The following ARL15 variants were observed in gnomAD, a reference collection of about 807,000 sequenced individuals.
The protein encoded by ARL15 is ARF like GTPase 15.
Under a neutral mutation model 25.2 loss-of-function variants are expected in ARL15, and 19 were observed. That is an observed-to-expected ratio of 0.75 (90% CI 0.53 to 1.10). ARL15 has a LOEUF of 1.10. Ranked by LOEUF, ARL15 falls within the 50% of genes least tolerant of loss-of-function variation. ARL15 has a pLI of 0.00. For synonymous variants in ARL15, 94 were observed against 86.8 expected (o/e 1.08, Z -0.46); for missense variants, 220 against 246.0 (o/e 0.89, Z 0.71).
At chr5:54,224,137 A>G (rs1756453338) in intron 1 of ARL15, among the ~76,000 whole-genome samples, 1 of 152,146 alleles carries the variant, frequency 6.6e-6, no homozygotes, top group Non-Finnish European at 1.5e-5. Context: ...AGTGAGGAGG[A>G]GCGAAGGCAA....
At chr5:53,988,512 T>A (rs951780956) in intron 4 of ARL15, among the ~76,000 whole-genome samples, 13 of 152,084 alleles carry the variant, frequency 8.5e-5, no homozygotes, top group African/African-American at 3.1e-4. Flanking sequence ...AGAATACACA[T>A]CATTAGGAAC....
At chr5:54,075,901 G>A (rs1288333129) in intron 4 of ARL15, among the ~76,000 whole-genome samples, 2 of 152,110 alleles carry the variant, frequency 1.3e-5, no homozygotes, top group Non-Finnish European at 2.9e-5. Flanking sequence ...TAGGTAAGAG[G>A]ATAAGATCTA....
intron 1 of ARL15, among the ~76,000 whole-genome samples, chr5:54,294,206 G>C (rs544468714): frequency 6.6e-6 from 1 of 152,146 alleles, no homozygotes; most frequent in Non-Finnish European, 1.5e-5. Flanking sequence ...CTAACCCAGC[G>C]GCTGGCAAAT....
At position 54,062,741 on chromosome 5, in the gene ARL15, T is replaced by C. The variant is rs186131586; in HGVS notation, c.462+50461A>G. Among the ~76,000 whole-genome samples the C allele has an allele frequency of 1.1e-4, 17 of 152,102 alleles. 1 individual carries two copies. The East Asian group carries it at 1.7e-3, about 16-fold the overall frequency. On this transcript the variant is annotated intron_variant, in intron 4 of 4. Coordinates refer to ENST00000504924, the MANE Select transcript of ARL15 (RefSeq NM_019087.3). Reference sequence around the variant, plus strand: ...TGAAAATGGACTAATACATATACCATAAGAAAATCTGGCAAGAAAGCTAAA... The same window carrying C: ...TGAAAATGGACTAATACATATACCACAAGAAAATCTGGCAAGAAAGCTAAA...
intron 4 of ARL15, among the ~76,000 whole-genome samples, chr5:54,012,703 T>G (rs1259301403): frequency 6.6e-6 from 1 of 151,866 alleles, no homozygotes; most frequent in Non-Finnish European, 1.5e-5. Flanking sequence ...TTTGTATTTT[T>G]AGTAGAGATG....
intron 4 of ARL15, among the ~76,000 whole-genome samples, chr5:54,096,085 G>A (rs1055968759): frequency 5.9e-5 from 9 of 152,024 alleles, no homozygotes; most frequent in African/African-American, 2.2e-4. Flanking sequence ...AATGGATAAG[G>A]AGATAATACC....
At chr5:53,983,308 A>T (rs1748184591) in intron 4 of ARL15, among the ~76,000 whole-genome samples, 2 of 152,106 alleles carry the variant, frequency 1.3e-5, no homozygotes, top group African/African-American at 2.4e-5. Flanking sequence ...AATTTTCTTT[A>T]AAAAAATCAT....
At chr5:54,140,689 G>A (rs1014052781) in intron 3 of ARL15, among the ~76,000 whole-genome samples, 3 of 152,094 alleles carry the variant, frequency 2.0e-5, no homozygotes, top group African/African-American at 7.2e-5. Flanking sequence ...GAGGCAAAAT[G>A]CAAATGGAAA....
chr5:54,121,054 T>C (rs762858552), intron 3 of ARL15, among the ~76,000 whole-genome samples: 1 of 152,104 alleles, frequency 6.6e-6, no homozygotes, highest in Non-Finnish European at 1.5e-5. Flanking sequence ...TAATGTCTCA[T>C]CCTATATAGC....
In ARL15 at chr5:54,059,060, C is replaced by G. The variant is rs547877248; in HGVS notation, c.462+54142G>C. On this transcript the variant is annotated intron_variant, in intron 4 of 4. Transcript: ENST00000504924. ...ACTGCAGTCTAAAAGCCACCTTCTC[C>G]AAGAAAGGCTTTAAATAACCTTATG... Among the ~76,000 whole-genome samples, 3 of 152,288 alleles carry G rather than the reference C, an allele frequency of 2.0e-5. No individual in the cohort carries two copies. The South Asian group carries it at 6.2e-4, about 32-fold the overall frequency.
chr5:53,921,814 G>C (rs1160409019), intron 4 of ARL15, among the ~76,000 whole-genome samples: 3 of 152,182 alleles, frequency 2.0e-5, no homozygotes, highest in Non-Finnish European at 1.5e-5. Flanking sequence ...AGACTGCTCT[G>C]ACTAAAGCAA....
chr5:54,271,195 T>C (rs1178855945), intron 1 of ARL15, among the ~76,000 whole-genome samples: 1 of 152,188 alleles, frequency 6.6e-6, no homozygotes, highest in Non-Finnish European at 1.5e-5. Context: ...AGCTTGCAGA[T>C]GGCCTGTTGT....
At chr5:54,052,221 T>C (rs1750724120) in intron 4 of ARL15, among the ~76,000 whole-genome samples, 1 of 152,114 alleles carries the variant, frequency 6.6e-6, no homozygotes, top group Non-Finnish European at 1.5e-5. Context: ...AGACATTAAG[T>C]ATTTGCCAAA....
chr5:54,009,286 T>G (rs1205349568), intron 4 of ARL15, among the ~76,000 whole-genome samples: 1 of 152,196 alleles, frequency 6.6e-6, no homozygotes, highest in African/African-American at 2.4e-5. Flanking sequence ...TCAAGTAACT[T>G]AGCAAAGTGT....
intron 4 of ARL15, among the ~76,000 whole-genome samples, chr5:53,926,578 G>T (rs1014471906): frequency 5.9e-5 from 9 of 152,188 alleles, no homozygotes; most frequent in African/African-American, 1.9e-4. Flanking sequence ...CAGTTGACAG[G>T]AGAAGGGAAA....
chr5:53,934,882 T>C (rs1746306793), intron 4 of ARL15, among the ~76,000 whole-genome samples: 1 of 152,224 alleles, frequency 6.6e-6, no homozygotes, highest in Non-Finnish European at 1.5e-5. Context: ...TTCAAGCTGG[T>C]AACATCACAG....
At chr5:54,305,641 T>C (rs2112722606) in intron 1 of ARL15, among the ~76,000 whole-genome samples, 1 of 152,196 alleles carries the variant, frequency 6.6e-6, no homozygotes, top group East Asian at 1.9e-4. Context: ...ACACCTATGA[T>C]AAAGTTTAAT....
chr5:54,004,636 C>T (rs766200631), intron 4 of ARL15, among the ~76,000 whole-genome samples: 4 of 152,152 alleles, frequency 2.6e-5, no homozygotes, highest in Non-Finnish European at 5.9e-5. Flanking sequence ...TGATTGCCGC[C>T]TCTCTATCAC....
intron 4 of ARL15, among the ~76,000 whole-genome samples, chr5:53,919,925 T>C (rs1367957651): frequency 6.6e-6 from 1 of 152,200 alleles, no homozygotes; most frequent in Non-Finnish European, 1.5e-5. Flanking sequence ...TAAATGTCTT[T>C]AGCTTCCTAA....
Sources: gnomAD v4.1 joint callset for allele counts (sites outside exome capture counted in the v4.1 genomes callset) on GRCh38, gnomAD v4.1.1 for gene constraint, MANE v1.5 for transcripts, NCBI Gene and HGNC (gene_info 2026-07-23, HGNC 2026-07-21) for gene names.